TMC1: variants seen among roughly 807,000 people sequenced by gnomAD.
The protein encoded by TMC1 is transmembrane channel like 1, also known as transmembrane channel-like protein 1.
In TMC1, 84 loss-of-function variants were observed where a neutral mutation model predicts 105.8. The ratio of observed to expected loss-of-function variants is 0.79; its 90% confidence interval spans 0.67 to 0.95. The LOEUF is 0.95. Ranked by LOEUF, TMC1 falls within the 40% of genes least tolerant of loss-of-function variation. The pLI is 0.00. For missense variants in TMC1, 817 were observed against 914.1 expected (o/e 0.89, Z 1.37); for synonymous variants, 315 against 311.5 (o/e 1.01, Z -0.12).
At chr9:72,746,489 G>A (rs373503572) in intron 10 of TMC1, among the ~76,000 whole-genome samples, 3 of 152,284 alleles carry the variant, frequency 2.0e-5, no homozygotes, top group Middle Eastern at 3.4e-3. Context: ...AGGAGCTGTT[G>A]CCTTCCATTC....
intron 19 of TMC1, among the ~76,000 whole-genome samples, chr9:72,816,847 C>A (rs1828796030): frequency 1.3e-5 from 2 of 152,076 alleles, no homozygotes; most frequent in Non-Finnish European, 2.9e-5. Flanking sequence ...TGAGTCGATA[C>A]AGTAGAAATC....
chr9:72,603,698 C>T (rs377215205), intron 2 of TMC1, among the ~76,000 whole-genome samples: 2 of 151,762 alleles, frequency 1.3e-5, no homozygotes, highest in East Asian at 3.9e-4. Context: ...TACAGGCCCC[C>T]GCCACCATGT....
At chr9:72,629,511 T>G (rs1255888816) in intron 4 of TMC1, among the ~76,000 whole-genome samples, 1 of 152,156 alleles carries the variant, frequency 6.6e-6, no homozygotes, top group Non-Finnish European at 1.5e-5. Flanking sequence ...ATGATTATAA[T>G]GCAGAATGTT....
intron 8 of TMC1, among the ~76,000 whole-genome samples, chr9:72,705,131 AGG>A (rs1232205798): frequency 6.6e-6 from 1 of 152,188 alleles, no homozygotes; most frequent in Non-Finnish European, 1.5e-5. Flanking sequence ...TACCTATAAG[AGG>A]TCGCAGCACT....
intron 2 of TMC1, among the ~76,000 whole-genome samples, chr9:72,609,695 C>T (rs1186959030): frequency 6.6e-6 from 1 of 152,134 alleles, no homozygotes; most frequent in African/African-American, 2.4e-5. Context: ...ATTTTATTCT[C>T]ATAATACTTG....
chr9:72,556,478 T>A lies in TMC1; in HGVS notation c.-427-21424T>A, dbSNP rs561061379. ...GGAACGTCTCACAAATTTCCACACATAAATCTAAAGTAGACACTCCTGCTT... is the reference window on the plus strand; with the variant it reads ...GGAACGTCTCACAAATTTCCACACAAAAATCTAAAGTAGACACTCCTGCTT... On this transcript the variant is annotated intron_variant, in intron 1 of 23. Coordinates refer to ENST00000297784, the MANE Select transcript of TMC1 (RefSeq NM_138691.3). Among the ~76,000 whole-genome samples, 218 of 151,324 alleles carry A rather than the reference T, an allele frequency of 1.4e-3. 1 individual carries two copies. The highest frequency in any genetic ancestry group is 5.0e-3 in the African/African-American group (207 of 41,330).
intron 2 of TMC1, among the ~76,000 whole-genome samples, chr9:72,600,699 G>GA (rs920622708): frequency 3.3e-5 from 5 of 151,288 alleles, no homozygotes; most frequent in Admixed American, 1.3e-4. Context: ...ATTAAAAAAA[G>GA]AAAAAAATTA....
At chr9:72,604,086 T>G (rs964899034) in intron 2 of TMC1, among the ~76,000 whole-genome samples, 3 of 151,954 alleles carry the variant, frequency 2.0e-5, no homozygotes, top group African/African-American at 7.2e-5. Context: ...TGTATTTAGT[T>G]TTAACACTGT....
intron 1 of TMC1, among the ~76,000 whole-genome samples, chr9:72,538,960 G>A (rs952814908): frequency 6.6e-6 from 1 of 152,162 alleles, no homozygotes; most frequent in Non-Finnish European, 1.5e-5. Flanking sequence ...GCTATGGCAT[G>A]AGCTAGTTTT....
At chr9:72,672,371 ATTAAT>A (rs1417899986) in intron 5 of TMC1, among the ~76,000 whole-genome samples, 1 of 152,144 alleles carries the variant, frequency 6.6e-6, no homozygotes, top group Non-Finnish European at 1.5e-5. Flanking sequence ...ATAAAATTAA[ATTAAT>A]TCAATCTGCA....
chr9:72,706,721 G>C lies in TMC1; in HGVS notation c.362+6078G>C, dbSNP rs117756755. Among the ~76,000 whole-genome samples the C allele has an allele frequency of 9.7e-3, 1,473 of 151,224 alleles. 17 individuals are homozygous for C. The highest frequency in any genetic ancestry group is 0.046 in the Middle Eastern group (13 of 284). On this transcript the variant is annotated intron_variant, in intron 8 of 23. Coordinates refer to ENST00000297784, the MANE Select transcript of TMC1 (RefSeq NM_138691.3). ...ACTTCACTTAGAATAATAGTCTCCAGTTGTATCCAGGTTGCTGTGAATGCC... is the reference window on the plus strand; with the variant it reads ...ACTTCACTTAGAATAATAGTCTCCACTTGTATCCAGGTTGCTGTGAATGCC...
intron 11 of TMC1, among the ~76,000 whole-genome samples, chr9:72,753,286 CTTTTTTTTTTT>C (rs5898269): frequency 4.9e-5 from 4 of 81,828 alleles, no homozygotes; most frequent in Non-Finnish European, 6.6e-5. Context: ...TTAACCCCAG[CTTTTTTTTTTT>C]TTTTTTTTTT....
rs1826129482 is a variant in TMC1 at position 72,671,765 on chromosome 9, C to G, written c.17-16944C>G. 7.9e-5 allele frequency among the ~76,000 whole-genome samples: 12 copies of G among 152,042 alleles called. No individual in the cohort carries two copies. The South Asian group carries it at 2.5e-3, about 32-fold the overall frequency. On this transcript the variant is annotated intron_variant, in intron 5 of 23. Coordinates refer to ENST00000297784, the MANE Select transcript of TMC1 (RefSeq NM_138691.3). ...TCATTCTTTAAATATTCTTGACTTA[C>G]AGTTTTTTAAAAAGAAAAAAAATCA...
intron 9 of TMC1, chr9:72,741,189 C>T (rs551891705): frequency 4.4e-4 from 73 of 166,340 alleles, no homozygotes; most frequent in African/African-American, 1.7e-3. Context: ...ATAATGCAGA[C>T]ATTTGCTACA....
chr9:72,763,060 T>C (rs2118094588), intron 12 of TMC1, among the ~76,000 whole-genome samples: 1 of 152,030 alleles, frequency 6.6e-6, no homozygotes, highest in South Asian at 2.1e-4. Flanking sequence ...AACTGATTTC[T>C]TAAGGTCTGA....
chr9:72,629,368 A>G (rs10869190), intron 4 of TMC1, among the ~76,000 whole-genome samples: 75,401 of 152,000 alleles, frequency 0.5, 19,014 homozygotes, highest in African/African-American at 0.59. Context: ...GTCCATATTC[A>G]AAGAACCATT....
At chr9:72,698,853 A>T (rs1294047443) in intron 7 of TMC1, among the ~76,000 whole-genome samples, 1 of 152,160 alleles carries the variant, frequency 6.6e-6, no homozygotes, top group Non-Finnish European at 1.5e-5. Context: ...ATTGGTGATA[A>T]GGATTCACTT....
At chr9:72,675,533 C>T (rs1346645725) in intron 5 of TMC1, among the ~76,000 whole-genome samples, 1 of 152,128 alleles carries the variant, frequency 6.6e-6, no homozygotes, top group African/African-American at 2.4e-5. Flanking sequence ...CGTTAACTTT[C>T]TTTCCTACTT....
intron 20 of TMC1, among the ~76,000 whole-genome samples, chr9:72,822,422 A>G (rs980812831): frequency 2.0e-5 from 3 of 152,130 alleles, no homozygotes; most frequent in Non-Finnish European, 2.9e-5. Context: ...CTTTGCTGGA[A>G]AACAAGAAAA....
Sources: gnomAD v4.1 joint callset for allele counts (sites outside exome capture counted in the v4.1 genomes callset) on GRCh38, gnomAD v4.1.1 for gene constraint, MANE v1.5 for transcripts, NCBI Gene and HGNC (gene_info 2026-07-23, HGNC 2026-07-21) for gene names.